TGFB3: variants seen among roughly 807,000 people sequenced by gnomAD.
TGFB3 encodes the protein transforming growth factor beta-3 proprotein.
In TGFB3, 5 loss-of-function variants were observed where a neutral mutation model predicts 40.1. The ratio of observed to expected loss-of-function variants is 0.12; its 90% CI spans 0.07 to 0.26. The LOEUF (loss-of-function observed/expected upper bound fraction) is 0.26. Ranked by LOEUF, TGFB3 falls within the 10% of genes least tolerant of loss-of-function variation. TGFB3 has a pLI of 1.00. For missense variants in TGFB3, 373 were observed against 530.1 expected (o/e 0.70, Z 2.91); for synonymous variants, 184 against 205.6 (o/e 0.89, Z 0.90).
chr14:75,974,990 C>A (rs1178430656), intron 1 of TGFB3, among the ~76,000 whole-genome samples: 1 of 152,064 alleles, frequency 6.6e-6, no homozygotes, highest in Non-Finnish European at 1.5e-5. Context: ...ACTCGGGAGG[C>A]TGAGGCGGGA....
At chr14:75,975,133 C>T (rs1259280890) in intron 1 of TGFB3, among the ~76,000 whole-genome samples, 5 of 150,720 alleles carry the variant, frequency 3.3e-5, no homozygotes, top group African/African-American at 1.2e-4. Flanking sequence ...TTTGGGAGGC[C>T]GAGGCAGGTG....
rs2035397393 is a variant in TGFB3, at chr14:75,979,631, G to T, written c.352+911C>A. Among the ~76,000 whole-genome samples the T allele has an allele frequency of 6.6e-6, 1 of 151,430 alleles. No homozygotes were observed. The highest frequency in any genetic ancestry group is 6.6e-5 in the Admixed American group (1 of 15,206). Reference sequence around the variant, plus strand: ...GTGTACCAACACACACAGACATCTCGCCCAGAAGCCGCCCGGCTCCTCCAT... The same window carrying T: ...GTGTACCAACACACACAGACATCTCTCCCAGAAGCCGCCCGGCTCCTCCAT... On this transcript the variant is annotated intron_variant, in intron 1 of 6. Transcript: ENST00000238682. This position sits in a 1 kb window ranked among gnomAD's most constrained non-coding sequence, Gnocchi z 4.8.
rs3917152 is a variant in TGFB3, at chr14:75,979,015, A to T, written c.352+1527T>A. 6.6e-6 allele frequency among the ~76,000 whole-genome samples: 1 copy of T among 152,262 alleles called. No homozygotes were observed. Among genetic ancestry groups the T allele is most frequent in the African/African-American group, 2.4e-5 (1 of 41,550 alleles). ...TTCCCAGGGAGTTGGAGCCTTGGCCATCGAGCTGCTAGGTGCCTCTGGGAA... is the reference window on the plus strand; with the variant it reads ...TTCCCAGGGAGTTGGAGCCTTGGCCTTCGAGCTGCTAGGTGCCTCTGGGAA... On this transcript the variant is annotated intron_variant, in intron 1 of 6. Transcript: ENST00000238682. The surrounding 1 kb of genome is among the most constrained non-coding windows in gnomAD (Gnocchi z 4.8).
At chr14:75,964,404 C>T (rs78344242) in intron 4 of TGFB3, among the ~76,000 whole-genome samples, 2 of 152,088 alleles carry the variant, frequency 1.3e-5, no homozygotes, top group East Asian at 3.8e-4. Flanking sequence ...GATAATGAAG[C>T]ATATGATAAA....
Position 75,980,961 on chromosome 14 carries a change from C to T in TGFB3, c.-68G>A. On this transcript the variant is annotated 5_prime_UTR_variant, in exon 1 of 7. Coordinates refer to ENST00000238682, the MANE Select transcript of TGFB3 (RefSeq NM_003239.5). This position sits in a 1 kb window ranked among gnomAD's most constrained non-coding sequence, Gnocchi z 4.3. ...AGAGGAAGAGACCCCAGCAGACGTG[C>T]AGAAGGAGGGAGGAAAACCAGGCGG... is the stretch of plus-strand genomic sequence containing the variant. The T allele has an allele frequency of 6.8e-7, 1 of 1,474,022 alleles. No homozygotes were observed. 91.3% of individuals were successfully genotyped at this position (1,474,022 alleles called of 1,614,324 possible). A position where few individuals can be genotyped will look rare whatever the true frequency, so the allele number is the denominator to read the frequency against.
intron 6 of TGFB3, among the ~76,000 whole-genome samples, chr14:75,960,104 G>A (rs752186472): frequency 2.6e-5 from 4 of 151,808 alleles, no homozygotes; most frequent in East Asian, 1.9e-4. Context: ...CACCACACCC[G>A]GCTAATTTTT....
At chr14:75,973,152 G>C (rs150765996) in intron 1 of TGFB3, among the ~76,000 whole-genome samples, 3 of 152,336 alleles carry the variant, frequency 2.0e-5, no homozygotes, top group Non-Finnish European at 2.9e-5. Context: ...ACAATAGCCC[G>C]AAGTTGAAAT....
chr14:75,962,507 G>T (rs1339729523), intron 5 of TGFB3, among the ~76,000 whole-genome samples: 4 of 152,184 alleles, frequency 2.6e-5, no homozygotes, highest in African/African-American at 9.7e-5. Context: ...TCTGAGGCCA[G>T]ATGGACTCAC....
intron 1 of TGFB3, among the ~76,000 whole-genome samples, chr14:75,972,962 C>T (rs1340068900): frequency 3.9e-5 from 6 of 152,294 alleles, no homozygotes; most frequent in South Asian, 4.1e-4. Context: ...CTATGCCAGA[C>T]GCTGTCACCT....
At chr14:75,969,371 G>C (rs1342494315) in intron 3 of TGFB3, among the ~76,000 whole-genome samples, 1 of 152,170 alleles carries the variant, frequency 6.6e-6, no homozygotes, top group African/African-American at 2.4e-5. Context: ...CTGAGCATCA[G>C]ACCAGGCAGT....
chr14:75,964,256 CAGA>C (rs1047584338), intron 4 of TGFB3, among the ~76,000 whole-genome samples: 1 of 152,080 alleles, frequency 6.6e-6, no homozygotes, highest in Admixed American at 6.5e-5. Flanking sequence ...CAAGATAACG[CAGA>C]AGTCCTACCA....
intron 5 of TGFB3, 98 bp from the exon 6 acceptor site, chr14:75,961,174 A>G (rs2035152848): frequency 1.4e-6 from 2 of 1,407,876 alleles, no homozygotes; most frequent in Admixed American, 1.9e-5. Context: ...CTTTCATGCC[A>G]TCATAGGTGG....
intron 6 of TGFB3, 126 bp from the exon 7 acceptor site, chr14:75,959,471 T>A: frequency 3.5e-6 from 4 of 1,129,730 alleles, no homozygotes; most frequent in Non-Finnish European, 5.2e-6. Flanking sequence ...GGGTGCTCTT[T>A]AAGAGGAACT....
At chr14:75,975,836 A>G (rs1344975187) in intron 1 of TGFB3, among the ~76,000 whole-genome samples, 1 of 152,220 alleles carries the variant, frequency 6.6e-6, no homozygotes, top group African/African-American at 2.4e-5. Flanking sequence ...GTGTCAACCT[A>G]TGCCTCAGAC....
Position 75,980,898 on chromosome 14 carries a change from G to C in TGFB3, c.-5C>G. 6.2e-7 allele frequency: 1 copy of C among 1,613,526 alleles called. No homozygotes were observed. The highest frequency in any genetic ancestry group is 1.7e-4 in the Middle Eastern group (1 of 6,054). ...CCTTTGCAAGTGCATCTTCATGTGT[G>C]AGCTGGGAAGAGAGGCCAGGGGGAC... On this transcript the variant is annotated 5_prime_UTR_variant, in exon 1 of 7. Transcript: ENST00000238682. The surrounding 1 kb of genome is among the most constrained non-coding windows in gnomAD (Gnocchi z 4.3).
chr14:75,967,623 G>T (rs752602049), intron 3 of TGFB3, among the ~76,000 whole-genome samples: 3 of 152,170 alleles, frequency 2.0e-5, no homozygotes, highest in Non-Finnish European at 4.4e-5. Flanking sequence ...AGCACAAGAG[G>T]GTGGCCTGGC....
upstream of TGFB3, chr14:75,982,658 G>C (rs1453600632): frequency 6.6e-6 from 1 of 151,962 alleles, no homozygotes; most frequent in African/African-American, 2.4e-5. The surrounding 1 kb of genome is among the most constrained non-coding windows in gnomAD (Gnocchi z 4.0). Context: ...TCGGGAGCCG[G>C]GGAGGCTCGG....
At position 75,980,200 on chromosome 14, in the gene TGFB3, A is replaced by G. The variant is rs749327078; in HGVS notation, c.352+342T>C. Among the ~76,000 whole-genome samples, 1 of 152,218 alleles carries G rather than the reference A, an allele frequency of 6.6e-6. No individual in the cohort carries two copies. The highest frequency in any genetic ancestry group is 1.5e-5 in the Non-Finnish European group (1 of 68,028). ...CCCTTTATGGCACCCAGATGCTTACAGTTACTGATACGATCGCATGTGCAA... is the reference window on the plus strand; with the variant it reads ...CCCTTTATGGCACCCAGATGCTTACGGTTACTGATACGATCGCATGTGCAA... On this transcript the variant is annotated intron_variant, in intron 1 of 6. Coordinates refer to ENST00000238682, the MANE Select transcript of TGFB3 (RefSeq NM_003239.5). The surrounding 1 kb of genome is among the most constrained non-coding windows in gnomAD (Gnocchi z 4.3).
At position 75,971,630 on chromosome 14, in the gene TGFB3, G is replaced by C. The variant is rs560468476; in HGVS notation, c.441C>G (p.Phe147Leu). ...CCCGCAAGACCCGGAATTCTGCTCG[G>C]AATAGGTTGGTTCTATTTTTCTCCA... ...SSVEKNRTNL[F>L]RAEFRVLRVP... is the part of the protein sequence containing the mutation. The change falls in exon 2 of 7, where the codon TTC (phenylalanine) becomes TTG (leucine). Residue 147 changes from phenylalanine to leucine, a missense_variant. By Grantham distance (22) the Phe-to-Leu change is conservative (BLOSUM62 0). Transcript: ENST00000238682. This position sits in a 1 kb window ranked among gnomAD's most constrained non-coding sequence, Gnocchi z 4.5. 4 of 1,614,226 alleles carry C rather than the reference G, an allele frequency of 2.5e-6. No homozygotes were observed. In the Admixed American group the frequency reaches 6.7e-5, roughly 27 times the overall value.
Sources: gnomAD v4.1 joint callset for allele counts (sites outside exome capture counted in the v4.1 genomes callset) on GRCh38, gnomAD v4.1.1 for gene constraint, Gnocchi (gnomAD v3.1) non-coding constraint, MANE v1.5 for transcripts, NCBI Gene and HGNC (gene_info 2026-07-23, HGNC 2026-07-21) for gene names.